POU2F2: variants seen among roughly 807,000 people sequenced by gnomAD.
The protein encoded by POU2F2 is POU domain, class 2, transcription factor 2.
A neutral mutation model predicts 63.5 loss-of-function variants in POU2F2; 14 were observed. The observed-to-expected ratio is 0.22, with a 90% CI of 0.15 to 0.34. POU2F2 has a LOEUF of 0.34. POU2F2 is among the 10% of genes least tolerant of loss of function. The pLI is 1.00. For missense variants in POU2F2, 607 were observed against 815.2 expected, an observed-to-expected ratio of 0.74 and a Z score of 3.11; for synonymous variants, 306 against 348.6, an observed-to-expected ratio of 0.88 and a Z score of 1.36.
intron 1 of POU2F2, among the ~76,000 whole-genome samples, chr19:42,171,217 G>T (rs111568052): frequency 2.6e-5 from 4 of 152,354 alleles, no homozygotes; most frequent in African/African-American, 9.6e-5. Context: ...CTGTGTGTTT[G>T]AGTATGTGTG....
chr19:42,114,905 C>G (rs1305945209), intron 5 of POU2F2, among the ~76,000 whole-genome samples: 1 of 152,142 alleles, frequency 6.6e-6, no homozygotes, highest in Non-Finnish European at 1.5e-5. Context: ...TTTGAGAAGC[C>G]AAGGTGGGCA....
In POU2F2 at chr19:42,099,839, G is replaced by A; in HGVS notation, c.370-18C>T. On this transcript the variant is annotated intron_variant, in intron 5 of 14. Coordinates refer to ENST00000692977, the MANE Select transcript of POU2F2 (RefSeq NM_001394376.1). Reference sequence around the variant, plus strand: ...TGTATGTCCTGGCAGGGAGTGGGGTGGACAGAAAGATAGCCTGAGTCCTGG... The same window carrying A: ...TGTATGTCCTGGCAGGGAGTGGGGTAGACAGAAAGATAGCCTGAGTCCTGG... 1 of 1,547,360 alleles carries A rather than the reference G, an allele frequency of 6.5e-7. No homozygotes were observed. Among genetic ancestry groups the A allele is most frequent in the African/African-American group, 1.4e-5 (1 of 73,076 alleles).
At position 42,117,035 on chromosome 19, in the gene POU2F2, G is replaced by A. The variant is rs1490408398; in HGVS notation, c.369+215C>T. ...GGGGTGTCGGGGACAGCAGGAATTG[G>A]AGCAAGGGGTTGAAGAGGAGCAGAG... On this transcript the variant is annotated intron_variant, in intron 5 of 14. Coordinates refer to ENST00000692977, the MANE Select transcript of POU2F2 (RefSeq NM_001394376.1). The surrounding 1 kb of genome is among the most constrained non-coding windows in gnomAD (Gnocchi z 4.4). The A allele has an allele frequency of 1.5e-6, 1 of 658,180 alleles. No individual in the cohort carries two copies. The highest frequency in any genetic ancestry group is 2.7e-6 in the Non-Finnish European group (1 of 364,952). The allele number at this position is 658,180 out of a possible 1,614,324, so 40.8% of individuals were successfully genotyped here. A position where few individuals can be genotyped will look rare whatever the true frequency, so the allele number is the denominator to read the frequency against.
intron 1 of POU2F2, among the ~76,000 whole-genome samples, chr19:42,189,931 T>C (rs550013215): frequency 6.6e-6 from 1 of 152,314 alleles, no homozygotes; most frequent in African/African-American, 2.4e-5. Flanking sequence ...TCTCACTATG[T>C]TGCCCATTCT....
intron 1 of POU2F2, among the ~76,000 whole-genome samples, chr19:42,166,999 G>A (rs1014142444): frequency 2.0e-5 from 3 of 152,168 alleles, no homozygotes; most frequent in African/African-American, 7.2e-5. Context: ...AGCACTTATC[G>A]TGTTCTGGGC....
intron 5 of POU2F2, among the ~76,000 whole-genome samples, chr19:42,113,166 TTAGGAAAA>T (rs1414021029): frequency 6.6e-6 from 1 of 152,180 alleles, no homozygotes; most frequent in Non-Finnish European, 1.5e-5. Flanking sequence ...CATGGTCCTA[TTAGGAAAA>T]TAGGAAATTT....
chr19:42,186,611 T>A (rs1223002951), intron 1 of POU2F2, among the ~76,000 whole-genome samples: 1 of 151,852 alleles, frequency 6.6e-6, no homozygotes, highest in Non-Finnish European at 1.5e-5. Flanking sequence ...TTTGAGAATA[T>A]GAATCTGAGA....
chr19:42,131,200 C>G (rs532411140), intron 1 of POU2F2, among the ~76,000 whole-genome samples: 192 of 150,760 alleles, frequency 1.3e-3, no homozygotes, highest in Admixed American at 2.8e-3. Flanking sequence ...GGACCTCCCC[C>G]ATCCCAGCCC....
In POU2F2 at chr19:42,090,248, C is replaced by T. The variant is rs192508022; in HGVS notation, c.*1009G>A. ...AAACAGACAGGATGGAAAAAGACAACTGAATGCCCTCAACTGAATGTCTTC... is the reference window on the plus strand; with the variant it reads ...AAACAGACAGGATGGAAAAAGACAATTGAATGCCCTCAACTGAATGTCTTC... On this transcript the variant is annotated 3_prime_UTR_variant, in exon 15 of 15. Transcript: ENST00000692977. This position sits in a 1 kb window ranked among gnomAD's most constrained non-coding sequence, Gnocchi z 4.4. 1.2e-3 allele frequency: 183 copies of T among 152,052 alleles called. 1 individual carries two copies. The highest frequency in any genetic ancestry group is 6.8e-3 in the Middle Eastern group (2 of 294). The allele number at this position is 152,052 out of a possible 1,614,324, so 9.4% of individuals were successfully genotyped here. A position where few individuals can be genotyped will look rare whatever the true frequency, so the allele number is the denominator to read the frequency against.
At chr19:42,097,240 T>C (rs1214321804) in intron 7 of POU2F2, among the ~76,000 whole-genome samples, 1 of 146,102 alleles carries the variant, frequency 6.8e-6, no homozygotes, top group African/African-American at 2.5e-5. Context: ...CCTTGTTGCC[T>C]AGGCTGGAAT....
chr19:42,102,963 CT>C (rs1334305798), intron 5 of POU2F2, among the ~76,000 whole-genome samples: 8 of 152,110 alleles, frequency 5.3e-5, no homozygotes. Flanking sequence ...CTGTGTTCAT[CT>C]CCCTGCTCAT....
chr19:42,197,525 A>C (rs1006724074), upstream of POU2F2, among the ~76,000 whole-genome samples: 1 of 152,294 alleles, frequency 6.6e-6, no homozygotes, highest in East Asian at 1.9e-4. Context: ...CATCCCTGCA[A>C]GAAAGGCAGC....
At chr19:42,113,196 C>G (rs1175392059) in intron 5 of POU2F2, among the ~76,000 whole-genome samples, 1 of 152,180 alleles carries the variant, frequency 6.6e-6, no homozygotes, top group Non-Finnish European at 1.5e-5. Flanking sequence ...CCCCCCTACT[C>G]TCCAATATAA....
intron 1 of POU2F2, among the ~76,000 whole-genome samples, chr19:42,127,815 A>G (rs1268217709): frequency 2.0e-5 from 3 of 151,704 alleles, no homozygotes; most frequent in African/African-American, 7.3e-5. Flanking sequence ...GGGCCCCACT[A>G]TGTCTCCCCT....
At position 42,162,544 on chromosome 19, in the gene POU2F2, C is replaced by CTA. The variant is rs2034572582; in HGVS notation, c.-69-2154_-69-2153dup. ...AACCTGATGTGTCTGACTCCAAAGC[C>CTA]TACATTTCCTGCAGCTGTGCACATA... On this transcript the variant is annotated intron_variant, in intron 1 of 6. Coordinates refer to the POU2F2 transcript ENST00000524801. The surrounding 1 kb of genome is among the most constrained non-coding windows in gnomAD (Gnocchi z 4.1). 6.6e-6 allele frequency among the ~76,000 whole-genome samples: 1 copy of CTA among 152,282 alleles called. No homozygotes were observed. Among genetic ancestry groups the CTA allele is most frequent in the Admixed American group, 6.5e-5 (1 of 15,310 alleles).
At chr19:42,101,835 G>A (rs1257085817) in intron 5 of POU2F2, among the ~76,000 whole-genome samples, 2 of 152,140 alleles carry the variant, frequency 1.3e-5, no homozygotes, top group Non-Finnish European at 2.9e-5. Flanking sequence ...AAATTAGCTG[G>A]GCATGGTGGT....
At position 42,153,623 on chromosome 19, in the gene POU2F2, T is replaced by C; in HGVS notation, c.-9+6709A>G. Among the ~76,000 whole-genome samples, 1 of 152,122 alleles carries C rather than the reference T, an allele frequency of 6.6e-6. No homozygotes were observed. Among genetic ancestry groups the C allele is most frequent in the East Asian group, 1.9e-4 (1 of 5,178 alleles). ...CTCTATGTGTACTGGAAGCAGGTTCTCCTCATGAGTGTCGGAGAGTCCATG... is the reference window on the plus strand; with the variant it reads ...CTCTATGTGTACTGGAAGCAGGTTCCCCTCATGAGTGTCGGAGAGTCCATG... On this transcript the variant is annotated intron_variant, in intron 2 of 6. Transcript: ENST00000524801. The surrounding 1 kb of genome is among the most constrained non-coding windows in gnomAD (Gnocchi z 5.6).
chr19:42,144,869 C>T (rs1568412456), intron 2 of POU2F2, among the ~76,000 whole-genome samples: 1 of 152,232 alleles, frequency 6.6e-6, no homozygotes, highest in African/African-American at 2.4e-5. Context: ...CTTGCTGTTA[C>T]ACTGATCCCA....
upstream of POU2F2, among the ~76,000 whole-genome samples, chr19:42,177,478 G>A (rs2034908468): frequency 6.6e-6 from 1 of 152,066 alleles, no homozygotes; most frequent in Non-Finnish European, 1.5e-5. Context: ...CAGGGGACAC[G>A]GAGGCAGGGA....
Sources: gnomAD v4.1 joint callset for allele counts (sites outside exome capture counted in the v4.1 genomes callset) on GRCh38, gnomAD v4.1.1 for gene constraint, Gnocchi (gnomAD v3.1) non-coding constraint, MANE v1.5 for transcripts, NCBI Gene and HGNC (gene_info 2026-07-23, HGNC 2026-07-21) for gene names.